The following HDAC9 variants were observed in gnomAD, a reference collection of about 807,000 sequenced individuals.
HDAC9 encodes histone deacetylase 9.
Under a neutral mutation model 139.4 loss-of-function variants are expected in HDAC9, and 41 were observed. That is an observed-to-expected ratio of 0.29 (90% CI 0.23 to 0.38). The LOEUF is 0.38. Among genes scored for constraint, HDAC9 ranks in the 10% least tolerant of loss-of-function variants. The pLI is 1.00. For synonymous variants in HDAC9, 517 were observed against 476.2 expected, an observed-to-expected ratio of 1.09 and a Z score of -1.12; for missense variants, 1,147 against 1,297.0, an observed-to-expected ratio of 0.88 and a Z score of 1.78.
At chr7:18,737,170 CT>C (rs953162810) in intron 13 of HDAC9, among the ~76,000 whole-genome samples, 26 of 152,096 alleles carry the variant, frequency 1.7e-4, no homozygotes, top group African/African-American at 6.3e-4. Flanking sequence ...TTTTGTTGAT[CT>C]TTTCAAAAAA....
chr7:18,970,722 C>T (rs891673026), intron 24 of HDAC9, among the ~76,000 whole-genome samples: 1 of 151,978 alleles, frequency 6.6e-6, no homozygotes, highest in African/African-American at 2.4e-5. Context: ...AAGGAGATAG[C>T]AAGAGGTTAA....
intron 12 of HDAC9, among the ~76,000 whole-genome samples, chr7:18,697,065 T>G (rs1783106698): frequency 6.6e-6 from 1 of 152,188 alleles, no homozygotes; most frequent in South Asian, 2.1e-4. Context: ...AGGCAAATTC[T>G]TAGAGTTAAG....
chr7:18,821,472 C>A (rs73065889), intron 17 of HDAC9, among the ~76,000 whole-genome samples: 8,681 of 152,216 alleles, frequency 0.057, 548 homozygotes, highest in African/African-American at 0.16. Flanking sequence ...CTTGTGGCTG[C>A]AGGAACCAAA....
chr7:18,871,932 A>T (rs939117265), intron 21 of HDAC9, among the ~76,000 whole-genome samples: 3 of 152,190 alleles, frequency 2.0e-5, no homozygotes, highest in Non-Finnish European at 4.4e-5. Context: ...GCACATCTTT[A>T]GACCAAGACG....
intron 2 of HDAC9, among the ~76,000 whole-genome samples, chr7:18,519,038 C>G (rs190722773): frequency 2.0e-5 from 3 of 152,212 alleles, no homozygotes; most frequent in African/African-American, 4.8e-5. Flanking sequence ...TCTGTGGGCT[C>G]TAAGTGATTG....
chr7:18,120,598 G>A (rs975276637), intron 1 of HDAC9, among the ~76,000 whole-genome samples: 1 of 152,022 alleles, frequency 6.6e-6, no homozygotes, highest in African/African-American at 2.4e-5. Flanking sequence ...GTATATTTGG[G>A]TGGGGGTAGG....
intron 2 of HDAC9, among the ~76,000 whole-genome samples, chr7:18,170,257 T>C (rs1788323780): frequency 6.6e-6 from 1 of 152,268 alleles, no homozygotes. Context: ...ATAAAAGTCT[T>C]CTTTTGAGAA....
At chr7:18,859,840 A>ATGTGTGTGTGTG (rs1562997039) in intron 21 of HDAC9, among the ~76,000 whole-genome samples, 8 of 130,156 alleles carry the variant, frequency 6.1e-5, no homozygotes, top group African/African-American at 1.9e-4. Context: ...ATATATATAT[A>ATGTGTGTGTGTG]TATATATATA....
chr7:18,451,875 G>A (rs1200485569), intron 1 of HDAC9, among the ~76,000 whole-genome samples: 1 of 152,070 alleles, frequency 6.6e-6, no homozygotes, highest in African/African-American at 2.4e-5. Context: ...GAATTAAAGG[G>A]CACCTGGACA....
In HDAC9 at chr7:18,892,038, C is replaced by A. The variant is rs957796339; in HGVS notation, c.2803+17442C>A. 73 of 152,162 alleles carry A rather than the reference C, an allele frequency of 4.8e-4. 1 individual carries two copies. The highest frequency in any genetic ancestry group is 1.7e-3 in the African/African-American group (70 of 41,446). 9.4% of individuals were successfully genotyped at this position (152,162 alleles called of 1,614,324 possible). A position where few individuals can be genotyped will look rare whatever the true frequency, so the allele number is the denominator to read the frequency against. ...ACCACTTATTTCCAAGCTCTGATTA[C>A]TTCATTTACTCCCATGTAACAATCA... is the stretch of plus-strand genomic sequence containing the variant. On this transcript the variant is annotated intron_variant, in intron 22 of 25. Transcript: ENST00000686413.
intron 2 of HDAC9, among the ~76,000 whole-genome samples, chr7:18,232,710 C>A (rs1364618966): frequency 2.6e-5 from 4 of 152,168 alleles, no homozygotes; most frequent in Non-Finnish European, 5.9e-5. Context: ...GATTGGATTA[C>A]AATAATGGTT....
chr7:18,629,002 A>T (rs1413723447), intron 6 of HDAC9, among the ~76,000 whole-genome samples: 1 of 152,306 alleles, frequency 6.6e-6, no homozygotes, highest in East Asian at 1.9e-4. Context: ...CTGACAATGA[A>T]GTATAATAAA....
intron 1 of HDAC9, among the ~76,000 whole-genome samples, chr7:18,109,535 A>G (rs994139747): frequency 3.3e-5 from 5 of 152,340 alleles, no homozygotes; most frequent in African/African-American, 9.6e-5. Flanking sequence ...TGTACCATAC[A>G]TAGATGGATT....
intron 22 of HDAC9, among the ~76,000 whole-genome samples, chr7:18,927,584 A>G (rs1287730290): frequency 6.6e-6 from 1 of 152,200 alleles, no homozygotes; most frequent in Non-Finnish European, 1.5e-5. Flanking sequence ...GATGAGAAAA[A>G]TTTAATTTCA....
intron 11 of HDAC9, among the ~76,000 whole-genome samples, chr7:18,653,437 A>G (rs974408190): frequency 2.0e-5 from 3 of 151,816 alleles, no homozygotes; most frequent in East Asian, 3.9e-4. Context: ...CCTTTCTTAT[A>G]TGCTCTGTGA....
chr7:18,562,296 A>C (rs1241732272), intron 2 of HDAC9, among the ~76,000 whole-genome samples: 2 of 152,122 alleles, frequency 1.3e-5, no homozygotes, highest in Non-Finnish European at 2.9e-5. Flanking sequence ...ATTTTCAGCA[A>C]CAATTTTAAT....
At chr7:18,322,093 A>C (rs534418554) in intron 1 of HDAC9, among the ~76,000 whole-genome samples, 70 of 152,294 alleles carry the variant, frequency 4.6e-4, no homozygotes, top group Non-Finnish European at 1.9e-4. Flanking sequence ...CCTGACAATA[A>C]CATTTAGAAC....
intron 2 of HDAC9, among the ~76,000 whole-genome samples, chr7:18,280,787 A>T (rs1017031083): frequency 4.0e-5 from 6 of 151,836 alleles, no homozygotes; most frequent in African/African-American, 1.4e-4. Flanking sequence ...AATAAATAAA[A>T]AAGAGGGGAT....
At chr7:18,462,677 T>A (rs1291424811) in intron 1 of HDAC9, among the ~76,000 whole-genome samples, 1 of 152,006 alleles carries the variant, frequency 6.6e-6, no homozygotes, top group African/African-American at 2.4e-5. Flanking sequence ...CTTAAGTTGG[T>A]GAGATTGATT....
Sources: gnomAD v4.1 joint callset for allele counts (sites outside exome capture counted in the v4.1 genomes callset) on GRCh38, gnomAD v4.1.1 for gene constraint, MANE v1.5 for transcripts, NCBI Gene and HGNC (gene_info 2026-07-23, HGNC 2026-07-21) for gene names.